The following NBEA variants were observed in gnomAD, a reference collection of about 807,000 sequenced individuals.
The protein encoded by NBEA is neurobeachin.
In NBEA, 44 loss-of-function variants were observed where a neutral mutation model predicts 343.4. The ratio of observed to expected loss-of-function variants is 0.13; its 90% CI spans 0.10 to 0.16. NBEA has a LOEUF of 0.16. NBEA is among the 10% of genes least tolerant of loss of function. The pLI is 1.00. For missense variants in NBEA, 2,555 were observed against 3,631.3 expected, an observed-to-expected ratio of 0.70 and a Z score of 7.62; for synonymous variants, 1,175 against 1,238.7, an observed-to-expected ratio of 0.95 and a Z score of 1.08.
chr13:35,036,768 G>A (rs1439935667), intron 1 of NBEA, among the ~76,000 whole-genome samples: 2 of 152,128 alleles, frequency 1.3e-5, no homozygotes, highest in Non-Finnish European at 2.9e-5. Flanking sequence ...TCTGCTGCCA[G>A]ATGTATTGGA....
rs140038826 is a variant in NBEA, at chr13:35,641,754, A to G, written c.7618-4115A>G. On this transcript the variant is annotated intron_variant, in intron 49 of 58. Coordinates refer to ENST00000379939, the MANE Select transcript of NBEA (RefSeq NM_001385012.1). ...CTCTCATGTACCCACCACCCAGACCAAGATATGGAACCTTCTAGTTCCATT... is the reference window on the plus strand; with the variant it reads ...CTCTCATGTACCCACCACCCAGACCGAGATATGGAACCTTCTAGTTCCATT... 7.3e-3 allele frequency among the ~76,000 whole-genome samples: 1,108 copies of G among 152,228 alleles called. 9 individuals carry two copies. Among genetic ancestry groups the G allele is most frequent in the African/African-American group, 0.025 (1,037 of 41,528 alleles).
At chr13:35,476,105 G>T (rs745388345) in intron 41 of NBEA, 62 of 1,614,226 alleles carry the variant, frequency 3.8e-5, no homozygotes, top group Admixed American at 8.3e-5. Context: ...TATTTATTCA[G>T]ATGGTAGACC....
intron 41 of NBEA, chr13:35,476,692 G>A (rs1594762252): frequency 1.0e-6 from 1 of 971,476 alleles, no homozygotes. Context: ...GTTTGTCTAA[G>A]AGCCCAGATG....
intron 38 of NBEA, among the ~76,000 whole-genome samples, chr13:35,423,662 AGT>A (rs1396966566): frequency 1.3e-5 from 2 of 152,156 alleles, no homozygotes; most frequent in African/African-American, 4.8e-5. Flanking sequence ...TGAACTTTAA[AGT>A]AGTTTTTTCC....
intron 41 of NBEA, among the ~76,000 whole-genome samples, chr13:35,538,878 T>A (rs1566287085): frequency 6.6e-6 from 1 of 152,298 alleles, no homozygotes; most frequent in South Asian, 2.1e-4. Flanking sequence ...CAATCCAGGG[T>A]GGTGGCATAA....
Position 35,110,968 on chromosome 13 carries a change from T to A in NBEA, c.1992T>A (p.Pro664=). The change falls in exon 13 of 59, where the codon CCT becomes CCA. Residue 664 remains proline (P), a synonymous_variant. Coordinates refer to ENST00000379939, the MANE Select transcript of NBEA (RefSeq NM_001385012.1). The part of the protein sequence containing the change: ...INPADSSGIT[P]KGLDGPRPSQ... The stretch of plus-strand genomic sequence containing the variant: ...CTGCTGACAGTAGTGGCATTACACC[T>A]AAAGGATTAGGTATGTATACCACTT... 6.2e-7 allele frequency: 1 copy of A among 1,607,608 alleles called. No individual in the cohort carries two copies. The highest frequency in any genetic ancestry group is 8.5e-7 in the Non-Finnish European group (1 of 1,175,292).
intron 39 of NBEA, among the ~76,000 whole-genome samples, chr13:35,433,007 A>C (rs2045221433): frequency 6.6e-6 from 1 of 152,154 alleles, no homozygotes; most frequent in East Asian, 1.9e-4. Flanking sequence ...CTGCCAATTT[A>C]AATTTCCAGT....
chr13:35,265,853 T>C (rs574807199), intron 34 of NBEA, among the ~76,000 whole-genome samples: 1 of 151,860 alleles, frequency 6.6e-6, no homozygotes, highest in Non-Finnish European at 1.5e-5. Flanking sequence ...CAAAGACAAA[T>C]GGGATTGCAT....
intron 38 of NBEA, among the ~76,000 whole-genome samples, chr13:35,395,404 G>A (rs2042697676): frequency 6.6e-6 from 1 of 151,848 alleles, no homozygotes. Context: ...TATGTAAGAC[G>A]TGTCTGCTTC....
chr13:35,423,303 A>G (rs1212656813), intron 38 of NBEA, among the ~76,000 whole-genome samples: 1 of 152,148 alleles, frequency 6.6e-6, no homozygotes, highest in Non-Finnish European at 1.5e-5. Context: ...TAAGTCTTTA[A>G]TCCATCTTGA....
intron 40 of NBEA, among the ~76,000 whole-genome samples, chr13:35,468,509 T>G (rs1037332032): frequency 2.6e-5 from 4 of 152,172 alleles, no homozygotes; most frequent in African/African-American, 9.7e-5. Flanking sequence ...TTGATTGAAA[T>G]ACTTAATCAT....
At chr13:35,475,243 C>G in intron 41 of NBEA, 1 of 1,613,852 alleles carries the variant, frequency 6.2e-7, no homozygotes, top group South Asian at 1.1e-5. Flanking sequence ...CCCGTTCAGC[C>G]GATCACCCAG....
chr13:35,223,735 CTG>C lies in NBEA; in HGVS notation c.5649-8753_5649-8752del, dbSNP rs547078819. ...ATATTTCTTCTGCTCTGGTATGTCT[CTG>C]TGTTAGTTTTCTATTGCTAGAATAA... On this transcript the variant is annotated intron_variant, in intron 33 of 58. Coordinates refer to ENST00000379939, the MANE Select transcript of NBEA (RefSeq NM_001385012.1). 3.3e-5 allele frequency among the ~76,000 whole-genome samples: 5 copies of C among 152,272 alleles called. No homozygotes were observed. The South Asian group carries it at 6.2e-4, about 19-fold the overall frequency.
intron 1 of NBEA, among the ~76,000 whole-genome samples, chr13:34,978,142 A>T (rs1041666872): frequency 6.6e-6 from 1 of 152,188 alleles, no homozygotes; most frequent in South Asian, 2.1e-4. Flanking sequence ...AAACCTTGGG[A>T]TGGGCATATT....
intron 31 of NBEA, among the ~76,000 whole-genome samples, chr13:35,203,523 A>G (rs1159655942): frequency 6.6e-6 from 1 of 152,170 alleles, no homozygotes; most frequent in Non-Finnish European, 1.5e-5. Flanking sequence ...TGTATTTGCT[A>G]TATCTCTGTA....
chr13:34,989,810 T>A (rs752755579), intron 1 of NBEA, among the ~76,000 whole-genome samples: 2 of 150,864 alleles, frequency 1.3e-5, no homozygotes, highest in Non-Finnish European at 3.0e-5. Context: ...TCTATTTGCC[T>A]ATGAGCCTGT....
At chr13:35,218,899 A>T (rs544770440) in intron 33 of NBEA, among the ~76,000 whole-genome samples, 4 of 152,054 alleles carry the variant, frequency 2.6e-5, no homozygotes, top group Admixed American at 2.0e-4. Context: ...CTATAAGATT[A>T]TTTTTTTATT....
At position 35,208,417 on chromosome 13, in the gene NBEA, C is replaced by A. The variant is rs547133725; in HGVS notation, c.5367-283C>A. The stretch of plus-strand genomic sequence containing the variant: ...ACTTTAGCACAAATTTCTTAATATT[C>A]CCAGATTTATGATCACAGTCCATTT... On this transcript the variant is annotated intron_variant, in intron 31 of 58. Transcript: ENST00000379939. 2.0e-4 allele frequency among the ~76,000 whole-genome samples: 30 copies of A among 152,040 alleles called. No homozygotes were observed. In the South Asian group the frequency reaches 5.6e-3, roughly 28 times the overall value.
intron 8 of NBEA, among the ~76,000 whole-genome samples, chr13:35,069,023 A>G (rs1188234607): frequency 1.3e-5 from 2 of 152,166 alleles, no homozygotes; most frequent in African/African-American, 2.4e-5. Flanking sequence ...AATTAGAGCC[A>G]CATCAGCCTA....
Sources: allele counts gnomAD v4.1 joint callset (sites outside exome capture counted in the v4.1 genomes callset), GRCh38; gene constraint gnomAD v4.1.1; transcripts MANE v1.5; gene names NCBI Gene and HGNC (gene_info 2026-07-23, HGNC 2026-07-21).